MTMR1: variants seen among roughly 807,000 people sequenced by gnomAD.
MTMR1 encodes myotubularin related protein 1.
A neutral mutation model predicts 51.6 loss-of-function variants in MTMR1; 17 were observed. That is an observed-to-expected ratio of 0.33 (90% CI 0.23 to 0.49). MTMR1 has a LOEUF of 0.49. Among genes scored for constraint, MTMR1 ranks in the 20% least tolerant of loss-of-function variants. MTMR1 has a pLI of 0.99. For missense variants in MTMR1, 386 were observed against 526.9 expected (o/e 0.73, Z 2.62); for synonymous variants, 201 against 205.6 (o/e 0.98, Z 0.19).
chrX:150,725,936 T>C (rs933627827), intron 4 of MTMR1, among the ~76,000 whole-genome samples: 2 of 111,392 alleles, frequency 1.8e-5, no homozygotes, highest in Non-Finnish European at 3.8e-5. Context: ...CTACCCACTT[T>C]CCTATTGAGT....
chrX:150,718,533 C>T lies in MTMR1; in HGVS notation c.277-92C>T, dbSNP rs181837585. The T allele has an allele frequency of 6.0e-4, 628 of 1,042,837 alleles. 7 individuals carry two copies. In the South Asian group the frequency reaches 0.014, roughly 22 times the overall value. 85.9% of individuals were successfully genotyped at this position (1,042,837 alleles called of 1,213,427 possible). ...GCCTTATAGTGACATCACAGAACAC[C>T]GAAATTCTTCACAGGTATACGGAAA... On this transcript the variant is annotated intron_variant, in intron 3 of 15. Coordinates refer to ENST00000445323, the MANE Select transcript of MTMR1 (RefSeq NM_001306144.3).
intron 4 of MTMR1, among the ~76,000 whole-genome samples, chrX:150,726,226 G>A (rs781974831): frequency 9.0e-6 from 1 of 111,718 alleles, no homozygotes; most frequent in Non-Finnish European, 1.9e-5. Flanking sequence ...TAGGTTGTAT[G>A]TTCCTTATGA....
chrX:150,723,851 G>A (rs1603249978), intron 4 of MTMR1, among the ~76,000 whole-genome samples: 1 of 111,680 alleles, frequency 9.0e-6, no homozygotes, highest in East Asian at 2.8e-4. Flanking sequence ...TTCTGTTCCT[G>A]TGTTAGTTTG....
At chrX:150,761,436 C>T (rs781860974) in intron 15 of MTMR1, among the ~76,000 whole-genome samples, 1 of 112,653 alleles carries the variant, frequency 8.9e-6, no homozygotes, top group East Asian at 2.8e-4. Flanking sequence ...ACCATTGGCA[C>T]ACACGGTGGA....
intron 12 of MTMR1, among the ~76,000 whole-genome samples, chrX:150,742,554 C>T (rs1461110562): frequency 9.0e-6 from 1 of 111,245 alleles, no homozygotes; most frequent in Non-Finnish European, 1.9e-5. Context: ...CGGTGGCTCA[C>T]GCCTGTAATC....
intron 7 of MTMR1, 115 bp downstream of exon 7, chrX:150,730,325 G>T: frequency 3.7e-6 from 2 of 540,657 alleles, no homozygotes; most frequent in Middle Eastern, 3.8e-4. Context: ...TTCCTCTGTT[G>T]GTGACTAATA....
chrX:150,762,110 G>A (rs782404298), intron 15 of MTMR1, among the ~76,000 whole-genome samples: 4 of 112,752 alleles, frequency 3.5e-5, no homozygotes, highest in Non-Finnish European at 7.5e-5. Context: ...TTTAACAGAA[G>A]GATTTTCAGT....
intron 3 of MTMR1, among the ~76,000 whole-genome samples, chrX:150,715,840 T>C (rs1334451214): frequency 8.9e-6 from 1 of 112,897 alleles, no homozygotes; most frequent in Non-Finnish European, 1.9e-5. Context: ...TGCCTTACTA[T>C]GTCTCACTGA....
intron 4 of MTMR1, among the ~76,000 whole-genome samples, chrX:150,722,206 G>T (rs782242228): frequency 8.9e-6 from 1 of 111,956 alleles, no homozygotes; most frequent in Non-Finnish European, 1.9e-5. Context: ...CAGTTGAAAA[G>T]AATGTGTTTT....
intron 11 of MTMR1, among the ~76,000 whole-genome samples, 172 bp from the exon 12 acceptor site, chrX:150,737,070 A>AT (rs2148640281): frequency 9.0e-6 from 1 of 110,722 alleles, no homozygotes; most frequent in African/African-American, 3.3e-5. Context: ...TTTTCTTTTT[A>AT]TTTTTTTAAT....
At chrX:150,752,028 T>C (rs2042755573) in intron 14 of MTMR1, among the ~76,000 whole-genome samples, 1 of 103,984 alleles carries the variant, frequency 9.6e-6, no homozygotes, top group Admixed American at 1.1e-4. Flanking sequence ...GTGATTCTCC[T>C]GCCGCAGCCT....
intron 1 of MTMR1, among the ~76,000 whole-genome samples, chrX:150,694,087 G>C (rs1395812178): frequency 9.0e-6 from 1 of 111,634 alleles, no homozygotes; most frequent in Non-Finnish European, 1.9e-5. Flanking sequence ...GCCTCGTGTG[G>C]TTTTAAGACC....
At chrX:150,699,569 A>G (rs781881691) in intron 2 of MTMR1, among the ~76,000 whole-genome samples, 1 of 112,745 alleles carries the variant, frequency 8.9e-6, no homozygotes, top group Admixed American at 9.4e-5. Context: ...ATTTTATAAT[A>G]ATAAATGCAT....
chrX:150,750,996 C>G, intron 14 of MTMR1, 153 bp downstream of exon 14: 1 of 1,131,996 alleles, frequency 8.8e-7, no homozygotes. Flanking sequence ...CCAGCCCCAC[C>G]GCATGTGTCT....
intron 4 of MTMR1, among the ~76,000 whole-genome samples, chrX:150,726,081 C>G (rs936226739): frequency 2.7e-5 from 3 of 111,904 alleles, no homozygotes; most frequent in Admixed American, 9.5e-5. Context: ...CTGTTAGGAA[C>G]GGGGCTGCAC....
intron 1 of MTMR1, among the ~76,000 whole-genome samples, chrX:150,696,303 A>G (rs1557415733): frequency 9.0e-6 from 1 of 111,566 alleles, no homozygotes; most frequent in East Asian, 2.8e-4. Context: ...TCAGATTCAC[A>G]CTTTTCTTTG....
chrX:150,722,145 G>A (rs2041771722), intron 4 of MTMR1, among the ~76,000 whole-genome samples: 1 of 111,874 alleles, frequency 8.9e-6, no homozygotes, highest in Admixed American at 9.5e-5. Context: ...TGTTCATCAA[G>A]GCTCATATTA....
rs2043235190 is a variant in MTMR1 at position 150,764,446 on chromosome X, GGATATACTGGATTATT to G, written c.*1727_*1742del. Reference sequence around the variant, plus strand: ...CATATCTGAAAGCTTATTTATGAATGGATATACTGGATTATTGATATACTGATTTTTTTTTTAATGG... The same window carrying G: ...CATATCTGAAAGCTTATTTATGAATGGATATACTGATTTTTTTTTTAATGG... On this transcript the variant is annotated 3_prime_UTR_variant, in exon 16 of 16. Coordinates refer to ENST00000445323, the MANE Select transcript of MTMR1 (RefSeq NM_001306144.3). The G allele has an allele frequency of 8.9e-6, 1 of 111,762 alleles. No individual in the cohort carries two copies. The highest frequency in any genetic ancestry group is 1.9e-5 in the Non-Finnish European group (1 of 53,158). The allele number at this position is 111,762 out of a possible 1,213,427, so 9.2% of individuals were successfully genotyped here.
intron 14 of MTMR1, 153 bp downstream of exon 14, chrX:150,750,996 C>T (rs1307170002): frequency 8.0e-6 from 9 of 1,130,378 alleles, no homozygotes; most frequent in East Asian, 6.4e-5. Flanking sequence ...CCAGCCCCAC[C>T]GCATGTGTCT....
Sources: gnomAD v4.1 joint callset for allele counts (sites outside exome capture counted in the v4.1 genomes callset) on GRCh38, gnomAD v4.1.1 for gene constraint, MANE v1.5 for transcripts, NCBI Gene and HGNC (gene_info 2026-07-23, HGNC 2026-07-21) for gene names.